The following ASTN2 variants were observed in gnomAD, a reference collection of about 807,000 sequenced individuals.
ASTN2 encodes astrotactin 2.
In ASTN2, 54 loss-of-function variants were observed where a neutral mutation model predicts 139.8. The observed-to-expected ratio is 0.39, with a 90% CI of 0.31 to 0.48. The LOEUF is 0.48. Ranked by LOEUF, ASTN2 falls within the 20% of genes least tolerant of loss-of-function variation. The pLI is 0.95. For missense variants in ASTN2, 1,565 were observed against 1,725.1 expected, an observed-to-expected ratio of 0.91 and a Z score of 1.64; for synonymous variants, 756 against 719.5, an observed-to-expected ratio of 1.05 and a Z score of -0.81.
At chr9:116,602,808 C>G (rs1253697964) in intron 19 of ASTN2, among the ~76,000 whole-genome samples, 1 of 152,040 alleles carries the variant, frequency 6.6e-6, no homozygotes, top group Non-Finnish European at 1.5e-5. Context: ...CATGCATCTA[C>G]AGTCCCAGCT....
At chr9:116,819,776 G>A (rs1025310069) in intron 12 of ASTN2, among the ~76,000 whole-genome samples, 9 of 152,162 alleles carry the variant, frequency 5.9e-5, no homozygotes, top group African/African-American at 2.2e-4. Context: ...GGAATGAAGA[G>A]AAGAAAAAAG....
intron 19 of ASTN2, among the ~76,000 whole-genome samples, chr9:116,594,384 T>G (rs1208861489): frequency 6.6e-6 from 1 of 152,178 alleles, no homozygotes; most frequent in African/African-American, 2.4e-5. Context: ...CTCTGGAATT[T>G]CCCCAGTAAT....
rs115965438 is a variant in ASTN2 at position 117,036,108 on chromosome 9, T to C, written c.1423+3711A>G. Among the ~76,000 whole-genome samples the C allele has an allele frequency of 6.1e-3, 936 of 152,260 alleles. 6 individuals carry two copies. The highest frequency in any genetic ancestry group is 0.022 in the African/African-American group (895 of 41,560). On this transcript the variant is annotated intron_variant, in intron 6 of 22. Transcript: ENST00000313400. ...CCCATAATAATCCTTATTTTACAGATAGGTGAGAAAAATGAGACTCAGATA... is the reference window on the plus strand; with the variant it reads ...CCCATAATAATCCTTATTTTACAGACAGGTGAGAAAAATGAGACTCAGATA...
chr9:117,306,828 C>G (rs1372858956), intron 1 of ASTN2, among the ~76,000 whole-genome samples: 1 of 152,106 alleles, frequency 6.6e-6, no homozygotes, highest in Admixed American at 6.5e-5. Flanking sequence ...TGACTCAGGG[C>G]TGTAACTCTT....
chr9:116,509,145 C>T (rs1030393227), intron 19 of ASTN2, among the ~76,000 whole-genome samples: 38 of 152,280 alleles, frequency 2.5e-4, no homozygotes, highest in Middle Eastern at 3.4e-3. Context: ...TCTCCTAATG[C>T]TATCACTCCC....
At chr9:116,905,685 T>C (rs1489793076) in intron 10 of ASTN2, among the ~76,000 whole-genome samples, 7 of 152,168 alleles carry the variant, frequency 4.6e-5, no homozygotes, top group African/African-American at 1.7e-4. Context: ...ATGTGTTTTA[T>C]GCTCTTACAA....
intron 19 of ASTN2, chr9:116,611,681 C>A (rs997029624): frequency 6.6e-6 from 1 of 152,090 alleles, no homozygotes; most frequent in Non-Finnish European, 1.5e-5. Flanking sequence ...TTAAAACACA[C>A]AAGCTGCCAA....
At chr9:116,913,362 C>G (rs901595030) in intron 10 of ASTN2, among the ~76,000 whole-genome samples, 3 of 152,222 alleles carry the variant, frequency 2.0e-5, no homozygotes, top group Non-Finnish European at 4.4e-5. Flanking sequence ...GCCTCAACCC[C>G]CACTTAGTGC....
chr9:116,776,846 T>C (rs950844753), intron 13 of ASTN2, among the ~76,000 whole-genome samples: 2 of 152,146 alleles, frequency 1.3e-5, no homozygotes, highest in South Asian at 4.1e-4. Context: ...TGCCCAGAGA[T>C]AATCTGTAAG....
chr9:116,808,284 T>A (rs1273030945), intron 12 of ASTN2, among the ~76,000 whole-genome samples: 1 of 86,202 alleles, frequency 1.2e-5, no homozygotes, highest in Non-Finnish European at 2.2e-5. Context: ...ATATTGTGTG[T>A]GTGTGTGTGT....
chr9:116,953,477 G>A (rs1835621132), intron 10 of ASTN2, among the ~76,000 whole-genome samples: 1 of 152,144 alleles, frequency 6.6e-6, no homozygotes, highest in Non-Finnish European at 1.5e-5. Flanking sequence ...AGACCCAGAG[G>A]AACCCAGAAT....
At position 116,618,462 on chromosome 9, in the gene ASTN2, A is replaced by T; in HGVS notation, c.3217T>A (p.Ser1073Thr). ...GTACTGGAGGGCTCCACTGTTGGGG[A>T]CAGCCGCAGCCTACAGGGAATAAAA... ...SPLLQPVLRL[S>T]PTVEPSSTVV... The change falls in exon 19 of 23, where the codon TCC (serine) becomes ACC (threonine). Residue 1073 changes from serine to threonine, a missense_variant. Around this residue, in one of 4 missense-constraint regions of ASTN2, gnomAD observed 418 missense variants for 465.8 expected, o/e 0.90. Coordinates refer to ENST00000313400, the MANE Select transcript of ASTN2 (RefSeq NM_001365068.1). The T allele has an allele frequency of 3.7e-6, 6 of 1,612,410 alleles. No individual in the cohort carries two copies. Among genetic ancestry groups the T allele is most frequent in the Non-Finnish European group, 5.1e-6 (6 of 1,179,498 alleles).
intron 10 of ASTN2, among the ~76,000 whole-genome samples, chr9:116,946,933 T>A: frequency 6.1e-5 from 1 of 16,448 alleles, no homozygotes; most frequent in Non-Finnish European, 1.7e-4. Context: ...TACACATTTT[T>A]GTCAAAAAAA....
chr9:117,037,203 C>A (rs1838409398), intron 6 of ASTN2, among the ~76,000 whole-genome samples: 1 of 152,040 alleles, frequency 6.6e-6, no homozygotes, highest in East Asian at 1.9e-4. Context: ...ACAGACAATT[C>A]CACAGGCTGC....
chr9:117,228,966 T>A (rs910324006), intron 2 of ASTN2, among the ~76,000 whole-genome samples: 1 of 152,032 alleles, frequency 6.6e-6, no homozygotes, highest in Admixed American at 6.5e-5. Context: ...ATGGTGCCAC[T>A]GCACTCCAGC....
Position 117,277,301 on chromosome 9 carries a change from G to C in ASTN2, c.630+14025C>G, listed in dbSNP as rs542034228. 5 of 152,210 alleles carry C rather than the reference G, an allele frequency of 3.3e-5. No homozygotes were observed. In the East Asian group the frequency reaches 5.8e-4, roughly 18 times the overall value. The allele number at this position is 152,210 out of a possible 1,614,324, so 9.4% of individuals were successfully genotyped here. ...TGGTGTTCAGATCAGGCATACATAG[G>C]GTAAGGTTCAGGAAACTATCTTTTA... On this transcript the variant is annotated intron_variant, in intron 2 of 22. Coordinates refer to ENST00000313400, the MANE Select transcript of ASTN2 (RefSeq NM_001365068.1).
At chr9:116,594,617 G>C (rs1318527974) in intron 19 of ASTN2, among the ~76,000 whole-genome samples, 1 of 152,136 alleles carries the variant, frequency 6.6e-6, no homozygotes, top group Admixed American at 6.5e-5. Flanking sequence ...GTACTCATTG[G>C]ATGTCATTTC....
intron 17 of ASTN2, among the ~76,000 whole-genome samples, chr9:116,635,523 T>C (rs1046530275): frequency 2.0e-5 from 3 of 152,200 alleles, no homozygotes; most frequent in African/African-American, 7.2e-5. Context: ...ATATTATCTA[T>C]ACCTATATAT....
At chr9:116,777,838 T>G (rs1191009942) in intron 13 of ASTN2, among the ~76,000 whole-genome samples, 3 of 141,454 alleles carry the variant, frequency 2.1e-5, no homozygotes, top group Non-Finnish European at 4.6e-5. Context: ...TACTTTCTCT[T>G]TTTTTTGTTT....
Sources: gnomAD v4.1 joint callset for allele counts (sites outside exome capture counted in the v4.1 genomes callset) on GRCh38, gnomAD v4.1.1 for gene constraint, gnomAD v4.1.1 regional missense constraint, MANE v1.5 for transcripts, NCBI Gene and HGNC (gene_info 2026-07-23, HGNC 2026-07-21) for gene names.